The following DAPK1 variants were observed in gnomAD, a reference collection of about 807,000 sequenced individuals.
DAPK1 encodes death-associated protein kinase 1.
DAPK1 carries 56 observed loss-of-function variants against 144.9 expected under a neutral mutation model. The observed-to-expected ratio is 0.39, with a 90% confidence interval of 0.31 to 0.48. DAPK1 has a LOEUF of 0.48. DAPK1 is among the 20% of genes least tolerant of loss of function. DAPK1 has a pLI of 0.95. For synonymous variants in DAPK1, 690 were observed against 749.0 expected, an observed-to-expected ratio of 0.92 and a Z score of 1.29; for missense variants, 1,454 against 1,875.4, an observed-to-expected ratio of 0.78 and a Z score of 4.15.
intron 20 of DAPK1, among the ~76,000 whole-genome samples, chr9:87,683,747 C>G (rs1564069248): frequency 6.6e-6 from 1 of 152,202 alleles, no homozygotes; most frequent in African/African-American, 2.4e-5. Context: ...GCACGCCCCA[C>G]CATGGGGGGA....
intron 2 of DAPK1, among the ~76,000 whole-genome samples, chr9:87,581,203 G>C (rs2118829096): frequency 6.6e-6 from 1 of 152,214 alleles, no homozygotes; most frequent in East Asian, 1.9e-4. Context: ...GGACACCTCT[G>C]TTCCTTGGAC....
In DAPK1 at chr9:87,708,372, C is replaced by CT. The variant is rs1198203043; in HGVS notation, c.*1009dup. ...TTTCATAACTTCCTGTACTTGAAGT[C>CT]TAAAAGCAGAAAATAAAGGAAGCAA... On this transcript the variant is annotated 3_prime_UTR_variant, in exon 26 of 26. Coordinates refer to ENST00000408954, the MANE Select transcript of DAPK1 (RefSeq NM_004938.4). 6.6e-6 allele frequency: 1 copy of CT among 152,612 alleles called. No homozygotes were observed. Among genetic ancestry groups the CT allele is most frequent in the Non-Finnish European group, 1.5e-5 (1 of 68,092 alleles). The allele number at this position is 152,612 out of a possible 1,614,324, so 9.5% of individuals were successfully genotyped here. A position where few individuals can be genotyped will look rare whatever the true frequency, so the allele number is the denominator to read the frequency against.
chr9:87,664,735 G>A (rs546882563), intron 18 of DAPK1, among the ~76,000 whole-genome samples: 3 of 152,268 alleles, frequency 2.0e-5, no homozygotes, highest in East Asian at 3.9e-4. Flanking sequence ...CCACGCAGCC[G>A]CCTGGTCAGA....
intron 17 of DAPK1, among the ~76,000 whole-genome samples, chr9:87,655,652 C>T (rs1333523651): frequency 1.3e-5 from 2 of 152,202 alleles, no homozygotes; most frequent in African/African-American, 2.4e-5. Flanking sequence ...CTATGTTTGA[C>T]GCTAATGCAG....
chr9:87,707,822 CTTTTA>C lies in DAPK1; in HGVS notation c.*460_*464del. 2.2e-6 allele frequency: 1 copy of C among 456,998 alleles called. No homozygotes were observed. The highest frequency in any genetic ancestry group is 4.4e-6 in the Non-Finnish European group (1 of 227,294). 28.3% of individuals were successfully genotyped at this position (456,998 alleles called of 1,614,324 possible). A position where few individuals can be genotyped will look rare whatever the true frequency, so the allele number is the denominator to read the frequency against. ...GTTATACCATTTCCTCAGCTTATCT[CTTTTA>C]TATTTGTAGGAGAAACTCCCATGTA... On this transcript the variant is annotated 3_prime_UTR_variant, in exon 26 of 26. Coordinates refer to ENST00000408954, the MANE Select transcript of DAPK1 (RefSeq NM_004938.4). This position sits in a 1 kb window ranked among gnomAD's most constrained non-coding sequence, Gnocchi z 4.0.
intron 21 of DAPK1, among the ~76,000 whole-genome samples, chr9:87,692,952 CTTTTTTTTTTTTTTTTTTTTTT>C (rs61324273): frequency 5.3e-4 from 14 of 26,408 alleles, no homozygotes; most frequent in South Asian, 2.1e-3. Flanking sequence ...AGTGACTAGA[CTTTTTTTTTTTTTTTTTTTTTT>C]TTTTTTTTTT....
chr9:87,680,775 G>A (rs908095681), intron 19 of DAPK1, among the ~76,000 whole-genome samples: 2 of 152,154 alleles, frequency 1.3e-5, no homozygotes, highest in Non-Finnish European at 2.9e-5. Context: ...GTTGCCAGGG[G>A]CTGAGCAAAG....
At chr9:87,618,830 T>C (rs1200532245) in intron 3 of DAPK1, among the ~76,000 whole-genome samples, 1 of 152,174 alleles carries the variant, frequency 6.6e-6, no homozygotes, top group East Asian at 1.9e-4. Flanking sequence ...AAAATTAGAT[T>C]GTGGGGATGG....
In DAPK1 at chr9:87,499,088, T is replaced by C; in HGVS notation, c.11T>C (p.Phe4Ser). The C allele has an allele frequency of 6.2e-7, 1 of 1,614,068 alleles. No homozygotes were observed. The highest frequency in any genetic ancestry group is 1.1e-5 in the South Asian group (1 of 91,082). MTV[F>S]RQENVDDYYD... Reference sequence around the variant, plus strand: ...GCGTGACAGTTTATCATGACCGTGTTCAGGCAGGAAAACGTGGATGATTAC... The same window carrying C: ...GCGTGACAGTTTATCATGACCGTGTCCAGGCAGGAAAACGTGGATGATTAC... Residue 4 changes from phenylalanine (F) to serine (S), a missense_variant, in exon 2 of 26, where the codon TTC (phenylalanine) becomes TCC (serine). Physicochemically the swap from Phe to Ser is radical, Grantham distance 155 (BLOSUM62 -2). Transcript: ENST00000408954.
chr9:87,669,502 A>G (rs1831179598), intron 19 of DAPK1, among the ~76,000 whole-genome samples: 1 of 152,118 alleles, frequency 6.6e-6, no homozygotes, highest in African/African-American at 2.4e-5. Flanking sequence ...GTATTTTAAA[A>G]AATTTAATTA....
Position 87,703,809 on chromosome 9 carries a change from C to A in DAPK1, c.3060+592C>A, listed in dbSNP as rs36219781. The stretch of plus-strand genomic sequence containing the variant: ...TTTGCTCTGGTTCTGTGACATTGAG[C>A]ACCAGGGCGCGGTTTGGAAACCCTG... On this transcript the variant is annotated intron_variant, in intron 25 of 25. Coordinates refer to ENST00000408954, the MANE Select transcript of DAPK1 (RefSeq NM_004938.4). Among the ~76,000 whole-genome samples the A allele has an allele frequency of 6.4e-3, 982 of 152,268 alleles. 12 individuals carry two copies. Among genetic ancestry groups the A allele is most frequent in the African/African-American group, 0.023 (944 of 41,540 alleles).
Position 87,639,834 on chromosome 9 carries a change from A to C in DAPK1, c.629+19A>C. 6.2e-7 allele frequency: 1 copy of C among 1,612,522 alleles called. No homozygotes were observed. Among genetic ancestry groups the C allele is most frequent in the Admixed American group, 1.7e-5 (1 of 60,028 alleles). ...ATATCCTGTAAGTATCAGAATTCAC[A>C]ACTCATACTCTCTTCTCTTCTATGA... is the stretch of plus-strand genomic sequence containing the variant. On this transcript the variant is annotated intron_variant, in intron 7 of 25. Transcript: ENST00000408954.
chr9:87,565,250 G>GAAAGAAAAAC (rs1827078113), intron 2 of DAPK1, among the ~76,000 whole-genome samples: 1 of 152,182 alleles, frequency 6.6e-6, no homozygotes, highest in Admixed American at 6.5e-5. Flanking sequence ...AGGCTGTAGA[G>GAAAGAAAAAC]AAAGAAAAAC....
At chr9:87,544,266 A>C (rs1445929216) in intron 2 of DAPK1, among the ~76,000 whole-genome samples, 1 of 152,232 alleles carries the variant, frequency 6.6e-6, no homozygotes, top group African/African-American at 2.4e-5. Context: ...TTGTACAAGC[A>C]ACATAATTCA....
chr9:87,695,564 G>T (rs1825227105), intron 21 of DAPK1, among the ~76,000 whole-genome samples: 1 of 152,174 alleles, frequency 6.6e-6, no homozygotes, highest in African/African-American at 2.4e-5. Flanking sequence ...GCTCCAGTAT[G>T]GGAAAGCAAT....
At chr9:87,569,385 G>T (rs2118729958) in intron 2 of DAPK1, among the ~76,000 whole-genome samples, 1 of 152,340 alleles carries the variant, frequency 6.6e-6, no homozygotes, top group Admixed American at 6.5e-5. Flanking sequence ...ATTTTTCAAA[G>T]CTCTACCTCC....
In DAPK1 at chr9:87,582,828, C is replaced by G. The variant is rs374733248; in HGVS notation, c.63-22126C>G. Among the ~76,000 whole-genome samples the G allele has an allele frequency of 1.2e-3, 181 of 152,214 alleles. 8 individuals are homozygous for G. The South Asian group carries it at 0.036, about 30-fold the overall frequency. On this transcript the variant is annotated intron_variant, in intron 2 of 25. Transcript: ENST00000408954. ...TCGGCCTCCCAAAGTGCTGGGATTACAGGCATGAGCCACCGCGCCCAGCCA... is the reference window on the plus strand; with the variant it reads ...TCGGCCTCCCAAAGTGCTGGGATTAGAGGCATGAGCCACCGCGCCCAGCCA...
intron 20 of DAPK1, among the ~76,000 whole-genome samples, chr9:87,685,839 A>G (rs1375633172): frequency 5.9e-5 from 9 of 152,272 alleles, no homozygotes; most frequent in Non-Finnish European, 1.3e-4. Flanking sequence ...CACTGCCATA[A>G]GTAAAAATAA....
intron 2 of DAPK1, among the ~76,000 whole-genome samples, chr9:87,597,782 T>C (rs1828373485): frequency 6.6e-6 from 1 of 152,112 alleles, no homozygotes; most frequent in Non-Finnish European, 1.5e-5. Context: ...CCTCTCTTCC[T>C]CTAGAAATAC....
Sources: gnomAD v4.1 joint callset for allele counts (sites outside exome capture counted in the v4.1 genomes callset) on GRCh38, gnomAD v4.1.1 for gene constraint, Gnocchi (gnomAD v3.1) non-coding constraint, MANE v1.5 for transcripts, NCBI Gene and HGNC (gene_info 2026-07-23, HGNC 2026-07-21) for gene names.